ADCY6: variants seen among roughly 807,000 people sequenced by gnomAD.
ADCY6 encodes the protein adenylate cyclase type 6.
Under a neutral mutation model 111.6 loss-of-function variants are expected in ADCY6, and 59 were observed. The ratio of observed to expected loss-of-function variants is 0.53; its 90% CI spans 0.43 to 0.66. The LOEUF is 0.66. ADCY6 is among the 30% of genes least tolerant of loss of function. The probability of loss-of-function intolerance (pLI) is 0.00; values close to 1 mark genes in which losing one functional copy is unlikely to be tolerated. For synonymous variants in ADCY6, 576 were observed against 642.9 expected (o/e 0.90, Z 1.57); for missense variants, 1,242 against 1,595.6 (o/e 0.78, Z 3.78).
chr12:48,780,064 C>G (rs545679245), intron 2 of ADCY6, among the ~76,000 whole-genome samples: 1 of 152,102 alleles, frequency 6.6e-6, no homozygotes, highest in East Asian at 1.9e-4. Flanking sequence ...AAGAATAGCC[C>G]CCAGTGGGGG....
chr12:48,769,038 C>T lies in ADCY6; in HGVS notation c.3280G>A (p.Ala1094Thr), dbSNP rs1281860466. The T allele has an allele frequency of 1.9e-6, 3 of 1,612,946 alleles. No individual in the cohort carries two copies. Among genetic ancestry groups the T allele is most frequent in the Non-Finnish European group, 2.5e-6 (3 of 1,179,476 alleles). ...KIGLNMGPVV[A>T]GVIGARKPQY... The stretch of plus-strand genomic sequence containing the variant: ...GGCTTCCGAGCCCCGATGACACCTG[C>T]CACGACTGGGCCCATGTTCAGCCCT... Residue 1094 changes from alanine to threonine, a missense_variant, in exon 21 of 22, where the codon GCA becomes ACA. Coordinates refer to ENST00000357869, the MANE Select transcript of ADCY6 (RefSeq NM_015270.5).
At chr12:48,784,500 GC>G (rs1330292345) in intron 1 of ADCY6, among the ~76,000 whole-genome samples, 1 of 151,776 alleles carries the variant, frequency 6.6e-6, no homozygotes, top group African/African-American at 2.4e-5. Flanking sequence ...AAACTCAAGT[GC>G]CCAAGTCAAT....
Position 48,776,960 on chromosome 12 carries a change from G to C in ADCY6, c.1376+144C>G, listed in dbSNP as rs781485755. 4.6e-6 allele frequency: 6 copies of C among 1,316,966 alleles called. No individual in the cohort carries two copies. The highest frequency in any genetic ancestry group is 1.5e-5 in the African/African-American group (1 of 67,766). The allele number at this position is 1,316,966 out of a possible 1,614,324, so 81.6% of individuals were successfully genotyped here. A position where few individuals can be genotyped will look rare whatever the true frequency, so the allele number is the denominator to read the frequency against. ...CGCATGGGTCTTTGCACAGGTTGGA[G>C]AAAGATTCCCCTTCCCAGTGACAGA... On this transcript the variant is annotated intron_variant, in intron 6 of 21. Transcript: ENST00000357869. The surrounding 1 kb of genome is among the most constrained non-coding windows in gnomAD (Gnocchi z 6.1).
rs1467622715 is a variant in ADCY6, at chr12:48,782,343, G to A, written c.864+228C>T. 6.6e-6 allele frequency among the ~76,000 whole-genome samples: 1 copy of A among 152,062 alleles called. No individual in the cohort carries two copies. Among genetic ancestry groups the A allele is most frequent in the Non-Finnish European group, 1.5e-5 (1 of 68,010 alleles). ...TGACAGAGTTCAGGCTTGGGTCCTGGGGCCCTCCCTCCCCTCAGCAGTGTC... is the reference window on the plus strand; with the variant it reads ...TGACAGAGTTCAGGCTTGGGTCCTGAGGCCCTCCCTCCCCTCAGCAGTGTC... On this transcript the variant is annotated intron_variant, in intron 2 of 21. Transcript: ENST00000357869. This position sits in a 1 kb window ranked among gnomAD's most constrained non-coding sequence, Gnocchi z 4.3.
At chr12:48,773,360 T>G (rs3729969) in intron 16 of ADCY6, 109 bp downstream of exon 16, 20 of 1,230,168 alleles carry the variant, frequency 1.6e-5, no homozygotes, top group Admixed American at 9.2e-5. Context: ...CCCACAGGGG[T>G]GTTGTGGCAT....
At position 48,783,306 on chromosome 12, in the gene ADCY6, A is replaced by G. The variant is rs748589947; in HGVS notation, c.129T>C (p.Tyr43=). Residue 43 remains tyrosine (Y), a synonymous_variant, in exon 2 of 22, where the codon TAT becomes TAC. Transcript: ENST00000357869. ...TRAGGFCTPR[Y]MSCLRDAEPP... is the part of the protein sequence containing the mutation. Reference sequence around the variant, plus strand: ...GCTCTGCATCCCGGAGGCAGCTCATATAGCGGGGCGTGCAGAAGCCACCTG... The same window carrying G: ...GCTCTGCATCCCGGAGGCAGCTCATGTAGCGGGGCGTGCAGAAGCCACCTG... 7.4e-6 allele frequency: 12 copies of G among 1,613,556 alleles called. No individual in the cohort carries two copies. The Admixed American group carries it at 1.2e-4, about 16-fold the overall frequency.
At position 48,775,315 on chromosome 12, in the gene ADCY6, A is replaced by G; in HGVS notation, c.1968T>C (p.Asp656=). ...RRFLLTFQRE[D]LEKKYSRKVD... ...GTATCCCTCAAACCTTCTTCTCAAG[A>G]TCCTCTCTCTGGAAGGTGAGCAGAA... Residue 656 remains aspartate (D), a synonymous_variant, in exon 11 of 22, where the codon GAT becomes GAC. Transcript: ENST00000357869. 1 of 1,613,804 alleles carries G rather than the reference A, an allele frequency of 6.2e-7. No homozygotes were observed. The highest frequency in any genetic ancestry group is 1.1e-5 in the South Asian group (1 of 91,058).
intron 1 of ADCY6, among the ~76,000 whole-genome samples, chr12:48,784,730 T>TG (rs1334127896): frequency 7.1e-6 from 1 of 141,766 alleles, no homozygotes; most frequent in Non-Finnish European, 1.5e-5. Flanking sequence ...TGGAGTGCAG[T>TG]GGCACGATCT....
chr12:48,774,630 C>T, intron 13 of ADCY6, 61 bp downstream of exon 13: 1 of 1,587,614 alleles, frequency 6.3e-7, no homozygotes, highest in Non-Finnish European at 8.6e-7. Flanking sequence ...CCCATGTGAC[C>T]TCCTCCCTGT....
At chr12:48,789,823 A>T (rs1325565011), upstream of ADCY6, 1 of 148,622 alleles carries the variant, frequency 6.7e-6, no homozygotes. Context: ...CCGCCCCCAC[A>T]ACCCCCCGCC....
Position 48,771,756 on chromosome 12 carries a change from A to G in ADCY6, c.3005T>C (p.Val1002Ala). The G allele has an allele frequency of 6.2e-7, 1 of 1,614,172 alleles. No homozygotes were observed. The highest frequency in any genetic ancestry group is 8.5e-7 in the Non-Finnish European group (1 of 1,180,046). ...YVELEANNEGVECLRLLNEII... is the reference protein window; with the variant it reads ...YVELEANNEGAECLRLLNEII... ...CTCGTTGAGCAGCCGCAGGCACTCG[A>G]CACCCTCATTGTTTGCCTCCAGCTC... The change falls in exon 19 of 22, where the codon GTC becomes GCC. Residue 1002 changes from valine to alanine, a missense_variant. Coordinates refer to ENST00000357869, the MANE Select transcript of ADCY6 (RefSeq NM_015270.5). This position sits in a 1 kb window ranked among gnomAD's most constrained non-coding sequence, Gnocchi z 4.3.
At position 48,775,801 on chromosome 12, in the gene ADCY6, T is replaced by A. The variant is rs577470527; in HGVS notation, c.1807-103A>T. 13 of 1,523,680 alleles carry A rather than the reference T, an allele frequency of 8.5e-6. No homozygotes were observed. In the African/African-American group the frequency reaches 1.8e-4, roughly 21 times the overall value. The allele number at this position is 1,523,680 out of a possible 1,614,324, so 94.4% of individuals were successfully genotyped here. A position where few individuals can be genotyped will look rare whatever the true frequency, so the allele number is the denominator to read the frequency against. The stretch of plus-strand genomic sequence containing the variant: ...CACTGTGCTGAGGGTGTCCCCGTCA[T>A]ATCCTCTGGGGGCACTGGGACCCGA... On this transcript the variant is annotated intron_variant, in intron 9 of 21. Coordinates refer to ENST00000357869, the MANE Select transcript of ADCY6 (RefSeq NM_015270.5).
chr12:48,770,709 C>T, intron 20 of ADCY6, 57 bp downstream of exon 20: 1 of 1,564,702 alleles, frequency 6.4e-7, no homozygotes, highest in Non-Finnish European at 8.8e-7. Context: ...GCCTATAATC[C>T]CAGCTTCACC....
At chr12:48,778,362 A>G in intron 2 of ADCY6, 105 bp from the exon 3 acceptor site, 1 of 1,454,024 alleles carries the variant, frequency 6.9e-7, no homozygotes, top group Non-Finnish European at 9.5e-7. Context: ...GAAGGAAGCC[A>G]GGGTCCTGCA....
intron 9 of ADCY6, 62 bp downstream of exon 9, chr12:48,775,901 G>A: frequency 6.4e-7 from 1 of 1,557,150 alleles, no homozygotes; most frequent in South Asian, 1.2e-5. Context: ...ACAGGGTCAG[G>A]GACAGGGTAT....
rs1390230975 is a variant in ADCY6 at position 48,777,790 on chromosome 12, T to A, written c.1015-54A>T. 2 of 1,602,028 alleles carry A rather than the reference T, an allele frequency of 1.2e-6. No individual in the cohort carries two copies. Among genetic ancestry groups the A allele is most frequent in the Non-Finnish European group, 1.7e-6 (2 of 1,174,292 alleles). ...CTATACTCTTGGTCTCACATTGCAA[T>A]CCCTCCTGGTCTCTCCACATCGCCA... On this transcript the variant is annotated intron_variant, in intron 3 of 21. Transcript: ENST00000357869. The surrounding 1 kb of genome is among the most constrained non-coding windows in gnomAD (Gnocchi z 4.9).
chr12:48,775,157 T>C (rs1941662302), intron 11 of ADCY6, 103 bp from the exon 12 acceptor site: 1 of 1,444,188 alleles, frequency 6.9e-7, no homozygotes, highest in Non-Finnish European at 9.5e-7. Context: ...GGAGATGCAG[T>C]TGGCTCAACT....
rs2453486 is a variant in ADCY6, at chr12:48,783,330, T to A, written c.105A>T (p.Ala35=). The change falls in exon 2 of 22, where the codon GCA becomes GCT. Residue 35 remains alanine, a synonymous_variant. Coordinates refer to ENST00000357869, the MANE Select transcript of ADCY6 (RefSeq NM_015270.5). ...QKRSRRRGTR[A]GGFCTPRYMS... The stretch of plus-strand genomic sequence containing the variant: ...TATAGCGGGGCGTGCAGAAGCCACC[T>A]GCCCGAGTGCCACGGCGCCGCGAAC... 2 of 1,613,476 alleles carry A rather than the reference T, an allele frequency of 1.2e-6. No homozygotes were observed. Among genetic ancestry groups the A allele is most frequent in the East Asian group, 4.5e-5 (2 of 44,876 alleles).
At position 48,776,984 on chromosome 12, in the gene ADCY6, G is replaced by A. The variant is rs1941721961; in HGVS notation, c.1376+120C>T. On this transcript the variant is annotated intron_variant, in intron 6 of 21. Coordinates refer to ENST00000357869, the MANE Select transcript of ADCY6 (RefSeq NM_015270.5). This position sits in a 1 kb window ranked among gnomAD's most constrained non-coding sequence, Gnocchi z 6.1. ...AGAAAGATTCCCCTTCCCAGTGACA[G>A]ACAGACCTCAAAGACAGAGAAAGCC... 16 of 1,402,882 alleles carry A rather than the reference G, an allele frequency of 1.1e-5. No homozygotes were observed. The highest frequency in any genetic ancestry group is 1.5e-5 in the Non-Finnish European group (16 of 1,043,284). 86.9% of individuals were successfully genotyped at this position (1,402,882 alleles called of 1,614,324 possible). A position where few individuals can be genotyped will look rare whatever the true frequency, so the allele number is the denominator to read the frequency against.
Sources: allele counts gnomAD v4.1 joint callset (sites outside exome capture counted in the v4.1 genomes callset), GRCh38; gene constraint gnomAD v4.1.1; non-coding constraint Gnocchi (gnomAD v3.1); transcripts MANE v1.5; gene names NCBI Gene and HGNC (gene_info 2026-07-23, HGNC 2026-07-21).